NRXN1: variants seen among roughly 807,000 people sequenced by gnomAD.
The protein encoded by NRXN1 is neurexin-1.
Under a neutral mutation model 150.9 loss-of-function variants are expected in NRXN1, and 39 were observed. The observed-to-expected ratio is 0.26, with a 90% CI of 0.20 to 0.34. The LOEUF is 0.34. NRXN1 is among the 10% of genes least tolerant of loss of function. The pLI is 1.00. For missense variants in NRXN1, 1,815 were observed against 1,949.9 expected, an observed-to-expected ratio of 0.93 and a Z score of 1.30; for synonymous variants, 924 against 757.0, an observed-to-expected ratio of 1.22 and a Z score of -3.62.
intron 18 of NRXN1, among the ~76,000 whole-genome samples, chr2:50,095,193 C>T (rs189912742): frequency 2.6e-4 from 40 of 152,240 alleles, no homozygotes; most frequent in Middle Eastern, 3.4e-3. Context: ...GCTGATTTTA[C>T]TTTTTATGTC....
intron 17 of NRXN1, among the ~76,000 whole-genome samples, chr2:50,337,083 CT>C (rs768582035): frequency 0.12 from 16,342 of 132,884 alleles, 798 homozygotes; most frequent in African/African-American, 0.14. Context: ...TTTTCTTTTT[CT>C]TTTTTTTTTT....
rs528679120 is a variant in NRXN1, at chr2:50,269,753, G to C, written c.3365-32783C>G. ...TGAAAATGTAAATATCAATTATTGTGTTACAAAAAAACAACTTTTAGGATG... is the reference window on the plus strand; with the variant it reads ...TGAAAATGTAAATATCAATTATTGTCTTACAAAAAAACAACTTTTAGGATG... On this transcript the variant is annotated intron_variant, in intron 17 of 22. Transcript: ENST00000401669. Among the ~76,000 whole-genome samples, 31 of 152,112 alleles carry C rather than the reference G, an allele frequency of 2.0e-4. 1 individual carries two copies. The East Asian group carries it at 2.5e-3, about 12-fold the overall frequency.
At chr2:50,019,621 G>C (rs1370884360) in intron 21 of NRXN1, among the ~76,000 whole-genome samples, 1 of 79,890 alleles carries the variant, frequency 1.3e-5, no homozygotes, top group African/African-American at 5.2e-5. Flanking sequence ...CAGCCTGTAA[G>C]AAGGAGCAAG....
intron 21 of NRXN1, among the ~76,000 whole-genome samples, chr2:50,010,051 C>T (rs1222802865): frequency 2.6e-5 from 4 of 151,948 alleles, no homozygotes; most frequent in Non-Finnish European, 5.9e-5. Flanking sequence ...GATACAACTA[C>T]ATCACACAAT....
chr2:50,815,257 G>C (rs547340275), intron 5 of NRXN1, among the ~76,000 whole-genome samples: 2 of 152,284 alleles, frequency 1.3e-5, no homozygotes, highest in East Asian at 3.9e-4. Flanking sequence ...CTCCAGTGCA[G>C]AGGTGCATTG....
At chr2:50,545,137 G>A (rs915274360) in intron 9 of NRXN1, among the ~76,000 whole-genome samples, 6 of 152,120 alleles carry the variant, frequency 3.9e-5, no homozygotes, top group African/African-American at 1.2e-4. Context: ...GGGAATGTAT[G>A]GTAAGGGGAA....
At chr2:50,011,622 T>A (rs1685680592) in intron 21 of NRXN1, among the ~76,000 whole-genome samples, 1 of 152,092 alleles carries the variant, frequency 6.6e-6, no homozygotes, top group South Asian at 2.1e-4. Context: ...AATAGGTTCT[T>A]GCCTCACCAT....
At chr2:50,050,858 A>G (rs1692608446) in intron 21 of NRXN1, among the ~76,000 whole-genome samples, 1 of 152,026 alleles carries the variant, frequency 6.6e-6, no homozygotes, top group South Asian at 2.1e-4. Flanking sequence ...GAGACTTTTA[A>G]AACCTATTAG....
At chr2:50,326,675 G>C (rs1037661051) in intron 17 of NRXN1, among the ~76,000 whole-genome samples, 2 of 152,018 alleles carry the variant, frequency 1.3e-5, no homozygotes, top group African/African-American at 4.8e-5. Context: ...AACTTGCTTT[G>C]TTACCTTTTG....
chr2:50,400,971 G>A lies in NRXN1; in HGVS notation c.3364+64471C>T, dbSNP rs563287561. On this transcript the variant is annotated intron_variant, in intron 17 of 22. Transcript: ENST00000401669. Reference sequence around the variant, plus strand: ...GTGATCACCTTAATGCAAAATCCCAGAGCAGAGGCTCTTGTGAACTGCACT... The same window carrying A: ...GTGATCACCTTAATGCAAAATCCCAAAGCAGAGGCTCTTGTGAACTGCACT... Among the ~76,000 whole-genome samples, 29 of 152,250 alleles carry A rather than the reference G, an allele frequency of 1.9e-4. No homozygotes were observed. In the South Asian group the frequency reaches 5.8e-3, roughly 30 times the overall value.
At chr2:50,735,390 A>T (rs1260200146) in intron 5 of NRXN1, among the ~76,000 whole-genome samples, 4 of 152,182 alleles carry the variant, frequency 2.6e-5, no homozygotes, top group Non-Finnish European at 5.9e-5. Context: ...CAAGAACACA[A>T]GAAAAAGAGA....
At chr2:50,111,390 C>T (rs2152725323) in intron 18 of NRXN1, among the ~76,000 whole-genome samples, 1 of 152,122 alleles carries the variant, frequency 6.6e-6, no homozygotes, top group Non-Finnish European at 1.5e-5. Context: ...TCCCGTAATC[C>T]CAGCACTTTT....
At chr2:50,782,854 G>A (rs372915285) in intron 5 of NRXN1, among the ~76,000 whole-genome samples, 1 of 152,166 alleles carries the variant, frequency 6.6e-6, no homozygotes, top group East Asian at 1.9e-4. Context: ...GGTGAACAAA[G>A]AGAGAGAAAG....
At chr2:50,383,239 C>T (rs1443612308) in intron 17 of NRXN1, among the ~76,000 whole-genome samples, 2 of 152,060 alleles carry the variant, frequency 1.3e-5, no homozygotes, top group East Asian at 3.9e-4. Flanking sequence ...TCTGATCATT[C>T]AGTATTGAAT....
chr2:50,925,902 A>C, intron 3 of NRXN1, 36 bp downstream of exon 3: 1 of 1,533,222 alleles, frequency 6.5e-7, no homozygotes, highest in South Asian at 1.2e-5. Context: ...ATAAAGGACA[A>C]ATGAGAGTTG....
chr2:50,817,068 T>C (rs1025694326), intron 5 of NRXN1, among the ~76,000 whole-genome samples: 1 of 152,072 alleles, frequency 6.6e-6, no homozygotes, highest in African/African-American at 2.4e-5. Context: ...CTCCCCATGT[T>C]TTCATGACTG....
rs564947873 is a variant in NRXN1 at position 50,581,422 on chromosome 2, A to G, written c.1321-28397T>C. Among the ~76,000 whole-genome samples, 336 of 152,288 alleles carry G rather than the reference A, an allele frequency of 2.2e-3. 1 individual carries two copies. Among genetic ancestry groups the G allele is most frequent in the African/African-American group, 7.8e-3 (325 of 41,554 alleles). On this transcript the variant is annotated intron_variant, in intron 8 of 22. Transcript: ENST00000401669. ...TCTCTCTTCAAATAATTAAAACTCAAATAAATTAAACTGGCCATATTTCAC... is the reference window on the plus strand; with the variant it reads ...TCTCTCTTCAAATAATTAAAACTCAGATAAATTAAACTGGCCATATTTCAC...
At chr2:50,082,689 C>G (rs1698140388) in intron 19 of NRXN1, among the ~76,000 whole-genome samples, 1 of 152,102 alleles carries the variant, frequency 6.6e-6, no homozygotes, top group African/African-American at 2.4e-5. Context: ...AGTTTAGCTT[C>G]AAATACGTAG....
chr2:50,607,343 G>C (rs1383928862), intron 8 of NRXN1, among the ~76,000 whole-genome samples: 1 of 152,078 alleles, frequency 6.6e-6, no homozygotes, highest in Admixed American at 6.6e-5. Flanking sequence ...TTCAAGGCAG[G>C]TGTGCTTCAG....
Sources: allele counts gnomAD v4.1 joint callset (sites outside exome capture counted in the v4.1 genomes callset), GRCh38; gene constraint gnomAD v4.1.1; transcripts MANE v1.5; gene names NCBI Gene and HGNC (gene_info 2026-07-23, HGNC 2026-07-21).